Variants in MDGA2 observed in about 807,000 individuals in gnomAD.
MDGA2 encodes the protein MAM domain containing glycosylphosphatidylinositol anchor 2, also known as MAM domain-containing glycosylphosphatidylinositol anchor protein 2.
MDGA2 carries 40 observed loss-of-function variants against 117.8 expected under a neutral mutation model. The ratio of observed to expected loss-of-function variants is 0.34; its 90% CI spans 0.26 to 0.44. MDGA2 has a LOEUF of 0.44. MDGA2 is among the 20% of genes least tolerant of loss of function. The pLI is 1.00. For missense variants in MDGA2, 1,123 were observed against 1,250.6 expected (o/e 0.90, Z 1.54); for synonymous variants, 452 against 439.0 (o/e 1.03, Z -0.37).
At chr14:47,073,554 C>T (rs1890371513) in intron 6 of MDGA2, among the ~76,000 whole-genome samples, 3 of 152,032 alleles carry the variant, frequency 2.0e-5, no homozygotes, top group African/African-American at 2.4e-5. Flanking sequence ...TTCTTTCTGC[C>T]AAAGGTGCAC....
At chr14:47,546,128 A>G (rs1895458150) in intron 1 of MDGA2, among the ~76,000 whole-genome samples, 1 of 152,220 alleles carries the variant, frequency 6.6e-6, no homozygotes, top group African/African-American at 2.4e-5. Flanking sequence ...ATGATAATTC[A>G]GAAGAAGAGA....
intron 8 of MDGA2, among the ~76,000 whole-genome samples, chr14:47,008,188 T>C (rs1013192515): frequency 6.6e-6 from 1 of 151,880 alleles, no homozygotes; most frequent in Non-Finnish European, 1.5e-5. Flanking sequence ...AATGTGTATG[T>C]TAGAGAAACA....
intron 1 of MDGA2, among the ~76,000 whole-genome samples, chr14:47,414,672 G>A (rs918754368): frequency 6.6e-6 from 1 of 152,022 alleles, no homozygotes; most frequent in Non-Finnish European, 1.5e-5. Context: ...CCAAGGTTGA[G>A]GTCTTTGAAG....
At chr14:47,424,498 A>G (rs1403686138) in intron 1 of MDGA2, among the ~76,000 whole-genome samples, 1 of 152,094 alleles carries the variant, frequency 6.6e-6, no homozygotes, top group Admixed American at 6.6e-5. Flanking sequence ...CTCCACCAAC[A>G]TCTTCTCATG....
intron 4 of MDGA2, among the ~76,000 whole-genome samples, chr14:47,136,959 G>T (rs1882487943): frequency 6.6e-6 from 1 of 152,174 alleles, no homozygotes; most frequent in Non-Finnish European, 1.5e-5. Flanking sequence ...TAAAAGAAAG[G>T]TAAGCCCCAA....
chr14:47,378,062 G>A (rs1418551870), intron 1 of MDGA2, among the ~76,000 whole-genome samples: 1 of 152,198 alleles, frequency 6.6e-6, no homozygotes, highest in Non-Finnish European at 1.5e-5. Context: ...CATGTTTGCT[G>A]TTCTGCAGCC....
intron 6 of MDGA2, among the ~76,000 whole-genome samples, chr14:47,064,837 T>A (rs1171483645): frequency 3.3e-5 from 5 of 152,150 alleles, no homozygotes; most frequent in Admixed American, 3.3e-4. Flanking sequence ...GCTCATGTAA[T>A]GTTAATTTAA....
intron 1 of MDGA2, among the ~76,000 whole-genome samples, chr14:47,643,323 A>T (rs1897464636): frequency 6.6e-6 from 1 of 152,106 alleles, no homozygotes; most frequent in African/African-American, 2.4e-5. Context: ...CTGTTTTAGC[A>T]TCTATGGTGC....
intron 15 of MDGA2, among the ~76,000 whole-genome samples, chr14:46,846,684 T>C (rs758217953): frequency 2.0e-4 from 31 of 152,290 alleles, no homozygotes; most frequent in Admixed American, 3.3e-4. Context: ...TTTAGAATTT[T>C]CTTTATGGCT....
intron 1 of MDGA2, among the ~76,000 whole-genome samples, chr14:47,520,720 C>G (rs768449305): frequency 7.9e-5 from 12 of 152,204 alleles, no homozygotes; most frequent in Non-Finnish European, 1.8e-4. Context: ...AAGCACTTGA[C>G]GTGTTGGAAA....
In MDGA2 at chr14:47,096,518, A is replaced by G. The variant is rs941845035; in HGVS notation, c.1195+336T>C. Among the ~76,000 whole-genome samples, 6 of 147,018 alleles carry G rather than the reference A, an allele frequency of 4.1e-5. No homozygotes were observed. The South Asian group carries it at 6.2e-4, about 15-fold the overall frequency. On this transcript the variant is annotated intron_variant, in intron 6 of 16. Coordinates refer to ENST00000399232, the MANE Select transcript of MDGA2 (RefSeq NM_001113498.3). ...TACTGAATTCCTAAACTATTATACAATCAGTGTATATTTTACACAGTGAAT... is the reference window on the plus strand; with the variant it reads ...TACTGAATTCCTAAACTATTATACAGTCAGTGTATATTTTACACAGTGAAT...
intron 1 of MDGA2, among the ~76,000 whole-genome samples, chr14:47,617,787 T>C (rs759435335): frequency 4.6e-5 from 7 of 152,164 alleles, no homozygotes; most frequent in African/African-American, 9.7e-5. Flanking sequence ...AACTAAATAG[T>C]ATACGTAGAC....
At chr14:47,064,332 CAAGTT>C (rs1254723072) in intron 6 of MDGA2, among the ~76,000 whole-genome samples, 1 of 151,916 alleles carries the variant, frequency 6.6e-6, no homozygotes, top group African/African-American at 2.4e-5. Context: ...TAAGTGAGCT[CAAGTT>C]AAGGAACATC....
rs554227255 is a variant in MDGA2 at position 47,407,102 on chromosome 14, T to C, written c.281-105552A>G. ...TTCTTCTAAGGTTGCAATGAATAGG[T>C]GTGCATATTAATTCTGGCCCAAGTT... On this transcript the variant is annotated intron_variant, in intron 1 of 16. Transcript: ENST00000399232. 1.5e-4 allele frequency among the ~76,000 whole-genome samples: 23 copies of C among 152,174 alleles called. No individual in the cohort carries two copies. The East Asian group carries it at 3.9e-3, about 26-fold the overall frequency.
At chr14:47,323,551 G>A (rs1221919394) in intron 1 of MDGA2, among the ~76,000 whole-genome samples, 2 of 152,134 alleles carry the variant, frequency 1.3e-5, no homozygotes, top group Middle Eastern at 3.4e-3. Flanking sequence ...AGAATCTCTT[G>A]AGCCTGGGAG....
rs1882568714 is a variant in MDGA2 at position 46,884,005 on chromosome 14, GTTA to G, written c.2239-1787_2239-1785del. Among the ~76,000 whole-genome samples the G allele has an allele frequency of 6.6e-6, 1 of 151,852 alleles. No individual in the cohort carries two copies. Among genetic ancestry groups the G allele is most frequent in the African/African-American group, 2.4e-5 (1 of 41,346 alleles). ...GGGCTTTTCTCCTTTTATTTGCTTG[GTTA>G]TTTTTCACTGGTGCTGATAATATGG... On this transcript the variant is annotated intron_variant, in intron 10 of 16. Coordinates refer to ENST00000399232, the MANE Select transcript of MDGA2 (RefSeq NM_001113498.3). This position sits in a 1 kb window ranked among gnomAD's most constrained non-coding sequence, Gnocchi z 4.1.
chr14:47,019,810 GC>G (rs1408992631), intron 8 of MDGA2, among the ~76,000 whole-genome samples: 1 of 148,354 alleles, frequency 6.7e-6, no homozygotes, highest in Non-Finnish European at 1.5e-5. Context: ...CACCACTCCA[GC>G]CGGGGCGACA....
chr14:47,217,808 T>C (rs1214421284), intron 3 of MDGA2, among the ~76,000 whole-genome samples: 2 of 152,132 alleles, frequency 1.3e-5, no homozygotes, highest in Non-Finnish European at 2.9e-5. Context: ...TTCCTAAGTG[T>C]TCCATAATGA....
At chr14:47,145,320 C>T (rs1404701580) in intron 3 of MDGA2, among the ~76,000 whole-genome samples, 2 of 152,082 alleles carry the variant, frequency 1.3e-5, no homozygotes, top group African/African-American at 2.4e-5. Context: ...AGTGTGAAAG[C>T]AGCAAAACAC....
Sources: gnomAD v4.1 joint callset for allele counts (sites outside exome capture counted in the v4.1 genomes callset) on GRCh38, gnomAD v4.1.1 for gene constraint, Gnocchi (gnomAD v3.1) non-coding constraint, MANE v1.5 for transcripts, NCBI Gene and HGNC (gene_info 2026-07-23, HGNC 2026-07-21) for gene names.